The following DNMBP variants were observed in gnomAD, a reference collection of about 807,000 sequenced individuals.
The protein encoded by DNMBP is dynamin-binding protein.
Under a neutral mutation model 150.0 loss-of-function variants are expected in DNMBP, and 87 were observed. That is an observed-to-expected ratio of 0.58 (90% confidence interval 0.49 to 0.69). The LOEUF (loss-of-function observed/expected upper bound fraction) is 0.69. Among genes scored for constraint, DNMBP ranks in the 30% least tolerant of loss-of-function variants. The probability of loss-of-function intolerance (pLI) is 0.00; values close to 1 mark genes in which losing one functional copy is unlikely to be tolerated. For missense variants in DNMBP, 1,774 were observed against 1,949.0 expected (o/e 0.91, Z 1.69); for synonymous variants, 711 against 750.4 (o/e 0.95, Z 0.86).
At position 100,000,859 on chromosome 10, in the gene DNMBP, CAAAAAAAAAAAAAAA is replaced by C. The variant is rs36026874; in HGVS notation, c.-11+8964_-11+8978del. On this transcript the variant is annotated intron_variant, in intron 1 of 16. Coordinates refer to ENST00000324109, the MANE Select transcript of DNMBP (RefSeq NM_015221.4). ...TTTTAGAAAGTGACACCTGTTATGG[CAAAAAAAAAAAAAAA>C]AAAAAAAAAAAAACCCAGCAGGGTA... Among the ~76,000 whole-genome samples the C allele has an allele frequency of 5.1e-4, 27 of 52,548 alleles. 1 individual carries two copies. Among genetic ancestry groups the C allele is most frequent in the African/African-American group, 1.4e-3 (26 of 18,040 alleles). 34.5% of individuals were successfully genotyped at this position (52,548 alleles called of 152,430 possible).
At chr10:99,919,905 T>C (rs939849443) in intron 4 of DNMBP, among the ~76,000 whole-genome samples, 1 of 152,256 alleles carries the variant, frequency 6.6e-6, no homozygotes, top group Non-Finnish European at 1.5e-5. Context: ...TTAAACTAGA[T>C]GGTCTTTAAA....
In DNMBP at chr10:99,925,122, T is replaced by C. The variant is rs76542786; in HGVS notation, c.2261-15976A>G. On this transcript the variant is annotated intron_variant, in intron 4 of 16. Transcript: ENST00000324109. ...TCTGTTGGCAGCCTCCCTCTGACTTTCCTAACACTTTTTTTTTCTGTGCAC... is the reference window on the plus strand; with the variant it reads ...TCTGTTGGCAGCCTCCCTCTGACTTCCCTAACACTTTTTTTTTCTGTGCAC... 9.1e-3 allele frequency among the ~76,000 whole-genome samples: 1,392 copies of C among 152,290 alleles called. 18 individuals carry two copies. Among genetic ancestry groups the C allele is most frequent in the Middle Eastern group, 0.041 (12 of 294 alleles).
chr10:99,914,082 C>A, intron 4 of DNMBP: 1 of 1,405,582 alleles, frequency 7.1e-7, no homozygotes, highest in Non-Finnish European at 9.3e-7. Flanking sequence ...GGCATTTCCC[C>A]CAGGCTTCCC....
chr10:99,877,543 GCTA>G (rs1564710962), intron 16 of DNMBP, among the ~76,000 whole-genome samples: 1 of 151,992 alleles, frequency 6.6e-6, no homozygotes, highest in Non-Finnish European at 1.5e-5. Flanking sequence ...ACGGATGATG[GCTA>G]CCATAATAGG....
At chr10:99,960,319 T>C (rs1206500031) in intron 3 of DNMBP, among the ~76,000 whole-genome samples, 1 of 152,200 alleles carries the variant, frequency 6.6e-6, no homozygotes, top group Non-Finnish European at 1.5e-5. Context: ...TAATCTTACC[T>C]ATACTTTTAT....
At chr10:100,000,551 C>T (rs2040997303) in intron 1 of DNMBP, among the ~76,000 whole-genome samples, 1 of 152,124 alleles carries the variant, frequency 6.6e-6, no homozygotes, top group South Asian at 2.1e-4. Context: ...GTTTCATTTG[C>T]AATGTCAAAG....
At chr10:99,891,862 A>AG (rs1311485905) in intron 11 of DNMBP, among the ~76,000 whole-genome samples, 1 of 142,224 alleles carries the variant, frequency 7.0e-6, no homozygotes, top group Non-Finnish European at 1.5e-5. Context: ...CTGCCCGGCC[A>AG]CGACCCCGTC....
In DNMBP at chr10:99,908,020, A is replaced by G; in HGVS notation, c.2529T>C (p.Ala843=). ...MVIKVSKQLL[A]ALEISDAVGP... is the part of the protein sequence containing the mutation. ...CTACAGCATCGCTGATTTCCAGAGC[A>G]GCCAATAATTGCTTCGAGACCTTAA... Residue 843 remains alanine (A), a synonymous_variant, in exon 6 of 17, where the codon GCT becomes GCC. Transcript: ENST00000324109. 6.2e-7 allele frequency: 1 copy of G among 1,614,090 alleles called. No homozygotes were observed. The highest frequency in any genetic ancestry group is 8.5e-7 in the Non-Finnish European group (1 of 1,179,924).
At chr10:99,922,435 A>G (rs995509850) in intron 4 of DNMBP, among the ~76,000 whole-genome samples, 1 of 149,262 alleles carries the variant, frequency 6.7e-6, no homozygotes, top group Non-Finnish European at 1.5e-5. Context: ...TTCATTGTTG[A>G]TGGAATGTTA....
At position 99,956,104 on chromosome 10, in the gene DNMBP, G is replaced by C; in HGVS notation, c.1370C>G (p.Ala457Gly). ...LPLEARTRDY[A>G]SLPPKRMYSQ... ...ATACATTCTTTTGGGAGGTAGGCTG[G>C]CATAGTCTCTAGTCCTTGCTTCTAG... is the stretch of plus-strand genomic sequence containing the variant. Residue 457 changes from alanine to glycine, a missense_variant, in exon 4 of 17, where the codon GCC becomes GGC. Physicochemically the swap from Ala to Gly is moderately conservative, Grantham distance 60. This residue lies in a region of DNMBP where 1,430 missense variants were observed against 1,492.5 expected (regional missense o/e 0.96). Coordinates refer to ENST00000324109, the MANE Select transcript of DNMBP (RefSeq NM_015221.4). The C allele has an allele frequency of 1.2e-6, 2 of 1,614,174 alleles. No individual in the cohort carries two copies. Among genetic ancestry groups the C allele is most frequent in the Non-Finnish European group, 8.5e-7 (1 of 1,180,038 alleles).
chr10:99,887,480 T>C (rs113525477), intron 12 of DNMBP, among the ~76,000 whole-genome samples: 1 of 151,560 alleles, frequency 6.6e-6, no homozygotes, highest in Admixed American at 6.6e-5. Context: ...TGAGCAGAGA[T>C]TGTGCCACTG....
chr10:99,912,075 A>T (rs2039906736), intron 4 of DNMBP, among the ~76,000 whole-genome samples: 1 of 152,226 alleles, frequency 6.6e-6, no homozygotes, highest in Non-Finnish European at 1.5e-5. Context: ...ATTTTTAAGT[A>T]GGTATTATTA....
chr10:99,958,779 T>A (rs190505880), intron 3 of DNMBP, among the ~76,000 whole-genome samples: 1 of 152,328 alleles, frequency 6.6e-6, no homozygotes, highest in Non-Finnish European at 1.5e-5. Context: ...TGCATGCTGG[T>A]ATAAAATCAT....
chr10:99,930,169 T>C (rs1221119193), intron 4 of DNMBP: 3 of 703,050 alleles, frequency 4.3e-6, no homozygotes, highest in Non-Finnish European at 7.8e-6. Context: ...CTGTGTTCTC[T>C]ACAATAAAAA....
rs927356571 is a variant in DNMBP at position 99,909,570 on chromosome 10, T to C, written c.2261-424A>G. 5.3e-5 allele frequency among the ~76,000 whole-genome samples: 8 copies of C among 152,238 alleles called. No homozygotes were observed. In the East Asian group the frequency reaches 1.2e-3, roughly 22 times the overall value. ...ATGTAGCACATTAAACAGAATATTA[T>C]GGGGAACACAGAACAATGCCAACTA... On this transcript the variant is annotated intron_variant, in intron 4 of 16. Coordinates refer to ENST00000324109, the MANE Select transcript of DNMBP (RefSeq NM_015221.4).
chr10:99,939,144 T>C (rs1004513542), intron 4 of DNMBP, among the ~76,000 whole-genome samples: 4 of 151,778 alleles, frequency 2.6e-5, no homozygotes, highest in Non-Finnish European at 5.9e-5. Context: ...AGCAAGAATA[T>C]GTAACTCCCT....
At chr10:99,912,344 A>T (rs966756620) in intron 4 of DNMBP, among the ~76,000 whole-genome samples, 1 of 152,208 alleles carries the variant, frequency 6.6e-6, no homozygotes, top group Non-Finnish European at 1.5e-5. Flanking sequence ...TCTACTAATT[A>T]TAGTAGTTGA....
intron 4 of DNMBP, among the ~76,000 whole-genome samples, chr10:99,950,973 C>T (rs1185515513): frequency 2.0e-5 from 3 of 152,264 alleles, no homozygotes; most frequent in African/African-American, 7.2e-5. Flanking sequence ...TTCACGGCAA[C>T]TGCACCCATC....
chr10:99,976,586 A>C (rs984982368), intron 1 of DNMBP, among the ~76,000 whole-genome samples: 1 of 152,222 alleles, frequency 6.6e-6, no homozygotes, highest in African/African-American at 2.4e-5. Flanking sequence ...GTTCCTAGAT[A>C]AATAAAAGTA....
Sources: gnomAD v4.1 joint callset for allele counts (sites outside exome capture counted in the v4.1 genomes callset) on GRCh38, gnomAD v4.1.1 for gene constraint, gnomAD v4.1.1 regional missense constraint, MANE v1.5 for transcripts, NCBI Gene and HGNC (gene_info 2026-07-23, HGNC 2026-07-21) for gene names.